KCNQ1OT1: variants seen among roughly 807,000 people sequenced by gnomAD.
KCNQ1OT1 encodes the protein KCNQ1 opposite strand/antisense transcript 1, also known as KCNQ1 antisense RNA 2 (non-protein coding).
chr11:2,660,080 G>A (rs1849924865), exon 1 of KCNQ1OT1: 8 of 398,230 alleles, frequency 2.0e-5, no homozygotes, highest in Non-Finnish European at 3.5e-5. Context: ...TCTCTTACGA[G>A]TTAAACTTTT....
exon 1 of KCNQ1OT1, chr11:2,640,373 A>C (rs1003759220): frequency 2.5e-6 from 1 of 397,970 alleles, no homozygotes; most frequent in Non-Finnish European, 4.4e-6. Context: ...GCAATCTTTA[A>C]CTCCCAGGCT....
Position 2,678,206 on chromosome 11 carries a change from C to A in KCNQ1OT1, n.21789G>T. ...CAGAATTTTTTTAATTTCACATAGT[C>A]AGCTGTGTCAGTCTTTTATGGTTTG... On this transcript the variant is annotated non_coding_transcript_exon_variant, in exon 1 of 1. Transcript: ENST00000597346. The surrounding 1 kb of genome is among the most constrained non-coding windows in gnomAD (Gnocchi z 4.9). 1 of 398,318 alleles carries A rather than the reference C, an allele frequency of 2.5e-6. No individual in the cohort carries two copies. The highest frequency in any genetic ancestry group is 4.4e-5 in the Admixed American group (1 of 22,728). 24.7% of individuals were successfully genotyped at this position (398,318 alleles called of 1,614,324 possible). A position where few individuals can be genotyped will look rare whatever the true frequency, so the allele number is the denominator to read the frequency against.
rs1849679585 is a variant in KCNQ1OT1, at chr11:2,647,212, TC to T, written n.52782del. The T allele has an allele frequency of 2.5e-6, 1 of 398,478 alleles. No homozygotes were observed. The allele number at this position is 398,478 out of a possible 1,614,324, so 24.7% of individuals were successfully genotyped here. A position where few individuals can be genotyped will look rare whatever the true frequency, so the allele number is the denominator to read the frequency against. On this transcript the variant is annotated non_coding_transcript_exon_variant, in exon 1 of 1. Coordinates refer to ENST00000597346, the Ensembl canonical transcript of KCNQ1OT1. This position sits in a 1 kb window ranked among gnomAD's most constrained non-coding sequence, Gnocchi z 4.0. ...ATTTTGAATTTTATCAGATGCTTTTTCTGCATCTATTGAGATGATCATGTAT... is the reference window on the plus strand; with the variant it reads ...ATTTTGAATTTTATCAGATGCTTTTTTGCATCTATTGAGATGATCATGTAT...
At chr11:2,629,275 T>G (rs1035092447) in exon 1 of KCNQ1OT1, 25 of 398,306 alleles carry the variant, frequency 6.3e-5, no homozygotes, top group Non-Finnish European at 8.9e-5. Flanking sequence ...TGTTCAATGT[T>G]TCATAGTTTT....
At position 2,691,927 on chromosome 11, in the gene KCNQ1OT1, T is replaced by G; in HGVS notation, n.8068A>C. ...TCTATCCTCAGTCTCCTTGGCAGGT[T>G]TTCCCTTCTGGCATGGCCACTAAAT... On this transcript the variant is annotated non_coding_transcript_exon_variant, in exon 1 of 1. Coordinates refer to ENST00000597346, the Ensembl canonical transcript of KCNQ1OT1. The surrounding 1 kb of genome is among the most constrained non-coding windows in gnomAD (Gnocchi z 6.4). The G allele has an allele frequency of 2.5e-6, 1 of 398,710 alleles. No homozygotes were observed. Among genetic ancestry groups the G allele is most frequent in the Non-Finnish European group, 4.4e-6 (1 of 226,160 alleles). 24.7% of individuals were successfully genotyped at this position (398,710 alleles called of 1,614,324 possible).
exon 1 of KCNQ1OT1, chr11:2,696,248 G>C (rs1443662676): frequency 5.0e-6 from 2 of 398,474 alleles, no homozygotes; most frequent in Non-Finnish European, 8.8e-6. Flanking sequence ...ACTACCTTTT[G>C]CTTTCAAATA....
chr11:2,633,081 T>C (rs1849389686), exon 1 of KCNQ1OT1: 2 of 398,404 alleles, frequency 5.0e-6, no homozygotes, highest in South Asian at 1.3e-4. Flanking sequence ...GCATTTGTTA[T>C]GTTTTGTCTT....
chr11:2,676,644 G>A lies in KCNQ1OT1; in HGVS notation n.23351C>T. The stretch of plus-strand genomic sequence containing the variant: ...GGGTAGCTTCACAGATTCACAGATA[G>A]ATAGTTCATTAAGGTCTTGAGTATT... On this transcript the variant is annotated non_coding_transcript_exon_variant, in exon 1 of 1. Coordinates refer to ENST00000597346, the Ensembl canonical transcript of KCNQ1OT1. The surrounding 1 kb of genome is among the most constrained non-coding windows in gnomAD (Gnocchi z 4.2). 1 of 398,690 alleles carries A rather than the reference G, an allele frequency of 2.5e-6. No homozygotes were observed. Among genetic ancestry groups the A allele is most frequent in the African/African-American group, 2.1e-5 (1 of 48,766 alleles). The allele number at this position is 398,690 out of a possible 1,614,324, so 24.7% of individuals were successfully genotyped here. A position where few individuals can be genotyped will look rare whatever the true frequency, so the allele number is the denominator to read the frequency against.
exon 1 of KCNQ1OT1, chr11:2,650,491 G>T (rs900190648): frequency 1.5e-5 from 6 of 398,484 alleles, no homozygotes; most frequent in African/African-American, 4.1e-5. Context: ...CAGAAGTGTG[G>T]TGTCTCTACA....
exon 1 of KCNQ1OT1, chr11:2,641,825 A>G: frequency 2.5e-6 from 1 of 398,494 alleles, no homozygotes; most frequent in Non-Finnish European, 4.4e-6. Context: ...ATAGCAAGAG[A>G]TAGAAACGGT....
chr11:2,609,432 G>T, exon 1 of KCNQ1OT1: 1 of 398,324 alleles, frequency 2.5e-6, no homozygotes, highest in South Asian at 1.3e-4. Flanking sequence ...TTTGTTTCGT[G>T]ACTTAGCATA....
exon 1 of KCNQ1OT1, chr11:2,649,330 T>C (rs1470038185): frequency 1.3e-5 from 5 of 398,560 alleles, no homozygotes; most frequent in Non-Finnish European, 1.8e-5. Context: ...TCTGTAGTGA[T>C]AATCTTTTAT....
chr11:2,693,650 G>GGCTT lies in KCNQ1OT1; in HGVS notation n.6341_6344dup, dbSNP rs2133894976. The GGCTT allele has an allele frequency of 7.5e-6, 3 of 398,668 alleles. No individual in the cohort carries two copies. In the Admixed American group the frequency reaches 1.3e-4, roughly 18 times the overall value. The allele number at this position is 398,668 out of a possible 1,614,324, so 24.7% of individuals were successfully genotyped here. ...GCCGTAGGAAAGGCTCTGGGAGAAA[G>GGCTT]GCTTTTAGTTCCGCAGACAGAGCAG... On this transcript the variant is annotated non_coding_transcript_exon_variant, in exon 1 of 1. Transcript: ENST00000597346.
chr11:2,637,177 C>T lies in KCNQ1OT1; in HGVS notation n.62818G>A, dbSNP rs1279281427. On this transcript the variant is annotated non_coding_transcript_exon_variant, in exon 1 of 1. Transcript: ENST00000597346. ...TTTGAAGGGTTTTTTGTGTCTCTATCTCCTTCAATTCTTCTCTGATCTTAG... is the reference window on the plus strand; with the variant it reads ...TTTGAAGGGTTTTTTGTGTCTCTATTTCCTTCAATTCTTCTCTGATCTTAG... 3 of 151,202 alleles carry T rather than the reference C, an allele frequency of 2.0e-5. No homozygotes were observed. Among genetic ancestry groups the T allele is most frequent in the Non-Finnish European group, 2.9e-5 (2 of 67,854 alleles). 9.4% of individuals were successfully genotyped at this position (151,202 alleles called of 1,614,324 possible). A position where few individuals can be genotyped will look rare whatever the true frequency, so the allele number is the denominator to read the frequency against.
At chr11:2,665,228 T>C (rs969750061) in exon 1 of KCNQ1OT1, 3 of 398,466 alleles carry the variant, frequency 7.5e-6, no homozygotes, top group African/African-American at 6.2e-5. Context: ...CTAGGTTGAA[T>C]GGGGCACAAG....
At position 2,690,892 on chromosome 11, in the gene KCNQ1OT1, C is replaced by G. The variant is rs1850577054; in HGVS notation, n.9103G>C. On this transcript the variant is annotated non_coding_transcript_exon_variant, in exon 1 of 1. Transcript: ENST00000597346. This position sits in a 1 kb window ranked among gnomAD's most constrained non-coding sequence, Gnocchi z 5.1. The stretch of plus-strand genomic sequence containing the variant: ...CAGGAGTGTAAGCCACTGTTTCCGT[C>G]TGGGTTTTGTCATGTGTAGGTCCCA... 1 of 398,620 alleles carries G rather than the reference C, an allele frequency of 2.5e-6. No individual in the cohort carries two copies. Among genetic ancestry groups the G allele is most frequent in the Non-Finnish European group, 4.4e-6 (1 of 226,082 alleles). The allele number at this position is 398,620 out of a possible 1,614,324, so 24.7% of individuals were successfully genotyped here.
exon 1 of KCNQ1OT1, chr11:2,646,467 GC>G (rs1849667946): frequency 5.0e-6 from 2 of 398,564 alleles, no homozygotes; most frequent in African/African-American, 4.1e-5. Flanking sequence ...AAATGGGATT[GC>G]TTTCTTCATT....
rs1393158614 is a variant in KCNQ1OT1, at chr11:2,652,724, A to C, written n.47271T>G. The C allele has an allele frequency of 2.5e-6, 1 of 398,648 alleles. No individual in the cohort carries two copies. The highest frequency in any genetic ancestry group is 4.4e-6 in the Non-Finnish European group (1 of 226,296). 24.7% of individuals were successfully genotyped at this position (398,648 alleles called of 1,614,324 possible). ...CTCTTTCCGTTTCCTGGGCTCACTC[A>C]CGCTCAGGGTTGACCCTGTCCTGGC... On this transcript the variant is annotated non_coding_transcript_exon_variant, in exon 1 of 1. Transcript: ENST00000597346. This position sits in a 1 kb window ranked among gnomAD's most constrained non-coding sequence, Gnocchi z 5.9.
chr11:2,696,593 A>C (rs773690535), exon 1 of KCNQ1OT1: 12 of 398,544 alleles, frequency 3.0e-5, no homozygotes, highest in Non-Finnish European at 4.0e-5. Flanking sequence ...TAAATTACTC[A>C]AGCCCTCCAA....
Sources: gnomAD v4.1 joint callset for allele counts on GRCh38, gnomAD v4.1.1 for gene constraint, Gnocchi (gnomAD v3.1) non-coding constraint, MANE v1.5 for transcripts, NCBI Gene and HGNC (gene_info 2026-07-23, HGNC 2026-07-21) for gene names.